Variants in ATP9B observed in about 807,000 individuals in gnomAD.
ATP9B encodes probable phospholipid-transporting ATPase IIB.
ATP9B carries 110 observed loss-of-function variants against 146.1 expected under a neutral mutation model. The ratio of observed to expected loss-of-function variants is 0.75; its 90% CI spans 0.65 to 0.88. ATP9B has a LOEUF of 0.88. Ranked by LOEUF, ATP9B falls within the 40% of genes least tolerant of loss-of-function variation. ATP9B has a pLI of 0.00. For missense variants in ATP9B, 1,499 were observed against 1,496.4 expected, an observed-to-expected ratio of 1.00 and a Z score of -0.03; for synonymous variants, 604 against 569.7, an observed-to-expected ratio of 1.06 and a Z score of -0.86.
intron 7 of ATP9B, among the ~76,000 whole-genome samples, chr18:79,174,854 C>G (rs1399810776): frequency 6.6e-6 from 1 of 152,098 alleles, no homozygotes; most frequent in Admixed American, 6.5e-5. Context: ...CTACATGTCT[C>G]TCTTTTAGTG....
At chr18:79,098,821 G>T (rs2075029855) in intron 2 of ATP9B, among the ~76,000 whole-genome samples, 1 of 152,124 alleles carries the variant, frequency 6.6e-6, no homozygotes, top group Non-Finnish European at 1.5e-5. Context: ...TGCTTTTTTA[G>T]TGTCTTTTAA....
intron 13 of ATP9B, among the ~76,000 whole-genome samples, chr18:79,295,426 A>G (rs1257816657): frequency 6.6e-6 from 1 of 152,136 alleles, no homozygotes; most frequent in Non-Finnish European, 1.5e-5. Context: ...ACTGTCTACA[A>G]TTTTTCTCAT....
At chr18:79,194,644 G>A (rs896537837) in intron 9 of ATP9B, 5 of 152,198 alleles carry the variant, frequency 3.3e-5, no homozygotes. Context: ...TAAGATAATG[G>A]TGGCCACTTA....
intron 7 of ATP9B, among the ~76,000 whole-genome samples, chr18:79,171,145 T>A (rs2095064195): frequency 6.6e-6 from 1 of 152,214 alleles, no homozygotes; most frequent in Admixed American, 6.5e-5. Context: ...GAAAGTATAT[T>A]TGAAATATTT....
At chr18:79,128,126 C>T (rs2094318643) in intron 5 of ATP9B, among the ~76,000 whole-genome samples, 1 of 144,790 alleles carries the variant, frequency 6.9e-6, no homozygotes. Flanking sequence ...GTGGCGCAAC[C>T]TCTGCTCACT....
At chr18:79,302,780 G>T (rs2096599538) in intron 13 of ATP9B, among the ~76,000 whole-genome samples, 1 of 152,158 alleles carries the variant, frequency 6.6e-6, no homozygotes, top group African/African-American at 2.4e-5. Flanking sequence ...CATTCCAAGG[G>T]ACACACATAC....
chr18:79,294,293 C>T (rs1191684391), intron 13 of ATP9B, among the ~76,000 whole-genome samples: 1 of 152,200 alleles, frequency 6.6e-6, no homozygotes, highest in Non-Finnish European at 1.5e-5. Flanking sequence ...ACTTTCAACC[C>T]ATGATGAATT....
intron 12 of ATP9B, among the ~76,000 whole-genome samples, chr18:79,264,689 ATATG>A (rs1467326197): frequency 1.4e-5 from 2 of 146,330 alleles, no homozygotes; most frequent in Admixed American, 1.4e-4. Flanking sequence ...TTTTTGATAT[ATATG>A]GTGTGAAGTA....
intron 2 of ATP9B, among the ~76,000 whole-genome samples, chr18:79,109,562 GT>G (rs1400206797): frequency 1.4e-5 from 2 of 143,642 alleles, no homozygotes; most frequent in East Asian, 4.0e-4. Context: ...GGATTGAGCT[GT>G]CTTTTTTTTT....
chr18:79,193,880 G>A (rs933187631), intron 9 of ATP9B, among the ~76,000 whole-genome samples: 2 of 152,204 alleles, frequency 1.3e-5, no homozygotes, highest in African/African-American at 4.8e-5. Context: ...TTTTGTTGGT[G>A]AATTCACCTT....
intron 25 of ATP9B, among the ~76,000 whole-genome samples, chr18:79,352,151 C>T (rs988546126): frequency 2.0e-5 from 3 of 152,200 alleles, no homozygotes; most frequent in Non-Finnish European, 4.4e-5. Context: ...CAGCTGCCGG[C>T]GAGGACCTCA....
chr18:79,179,540 ATTC>A (rs2095224648), intron 8 of ATP9B, among the ~76,000 whole-genome samples: 1 of 152,102 alleles, frequency 6.6e-6, no homozygotes, highest in South Asian at 2.1e-4. Context: ...TTCCTTCATG[ATTC>A]TTCTTTTCAT....
intron 1 of ATP9B, among the ~76,000 whole-genome samples, chr18:79,091,572 T>G (rs537464401): frequency 6.6e-6 from 1 of 152,368 alleles, no homozygotes; most frequent in East Asian, 1.9e-4. Flanking sequence ...TAAAATTTCT[T>G]TTTCACAGTG....
intron 5 of ATP9B, among the ~76,000 whole-genome samples, chr18:79,137,716 C>G (rs1322958724): frequency 6.6e-6 from 1 of 152,216 alleles, no homozygotes; most frequent in Non-Finnish European, 1.5e-5. Flanking sequence ...CTCTTAGATG[C>G]CTGTTCGTGG....
intron 1 of ATP9B, among the ~76,000 whole-genome samples, chr18:79,073,452 C>A (rs1035351595): frequency 3.9e-5 from 6 of 152,256 alleles, no homozygotes; most frequent in Non-Finnish European, 2.9e-5. Context: ...CACGGAGAAA[C>A]CCCGTCTCCA....
chr18:79,253,373 T>C lies in ATP9B; in HGVS notation c.1108-8T>C. 6.2e-7 allele frequency: 1 copy of C among 1,604,228 alleles called. No homozygotes were observed. Among genetic ancestry groups the C allele is most frequent in the African/African-American group, 1.3e-5 (1 of 74,228 alleles). ...AGCTTGTTCATGTATTATGTGTTTT[T>C]CTTTCAGGTTGGTTTGTTGGACCTT... On this transcript the variant is annotated splice_polypyrimidine_tract_variant and splice_region_variant and intron_variant, in intron 11 of 29. Transcript: ENST00000426216.
intron 12 of ATP9B, among the ~76,000 whole-genome samples, chr18:79,260,416 C>T (rs528393434): frequency 1.3e-5 from 2 of 152,074 alleles, no homozygotes; most frequent in Admixed American, 6.6e-5. Flanking sequence ...GAGTACAATT[C>T]GAGATGAGAT....
chr18:79,359,581 T>G, intron 26 of ATP9B, 119 bp downstream of exon 26: 1 of 764,306 alleles, frequency 1.3e-6, no homozygotes, highest in Non-Finnish European at 2.3e-6. Flanking sequence ...AACGATTCTC[T>G]GTCCTTGAAG....
rs1005756041 is a variant in ATP9B at position 79,330,235 on chromosome 18, C to T, written c.2028+131C>T. 1.6e-5 allele frequency: 13 copies of T among 798,620 alleles called. No homozygotes were observed. In the African/African-American group the frequency reaches 1.7e-4, roughly 10 times the overall value. The allele number at this position is 798,620 out of a possible 1,614,324, so 49.5% of individuals were successfully genotyped here. ...TGACAGGAAAAGGATATCCTTTCCCCAGCTTGCAGACACTGGTATCATTGG... is the reference window on the plus strand; with the variant it reads ...TGACAGGAAAAGGATATCCTTTCCCTAGCTTGCAGACACTGGTATCATTGG... On this transcript the variant is annotated intron_variant, in intron 17 of 29. Coordinates refer to ENST00000426216, the MANE Select transcript of ATP9B (RefSeq NM_198531.5).
Sources: allele counts gnomAD v4.1 joint callset (sites outside exome capture counted in the v4.1 genomes callset), GRCh38; gene constraint gnomAD v4.1.1; transcripts MANE v1.5; gene names NCBI Gene and HGNC (gene_info 2026-07-23, HGNC 2026-07-21).